Variants in GNG12 observed in about 807,000 individuals in gnomAD.
GNG12 encodes the protein G protein subunit gamma 12.
For synonymous variants in GNG12, 28 were observed against 29.7 expected, an observed-to-expected ratio of 0.94 and a Z score of 0.19; for missense variants, 69 against 83.8, an observed-to-expected ratio of 0.82 and a Z score of 0.69.
At chr1:67,763,716 G>T (rs560122494) in intron 2 of GNG12, among the ~76,000 whole-genome samples, 1 of 151,894 alleles carries the variant, frequency 6.6e-6, no homozygotes, top group African/African-American at 2.4e-5. Context: ...GAGAATTTTA[G>T]GTTGTTTTTA....
At chr1:67,822,995 G>T (rs994470027) in intron 1 of GNG12, among the ~76,000 whole-genome samples, 1 of 152,160 alleles carries the variant, frequency 6.6e-6, no homozygotes, top group African/African-American at 2.4e-5. Flanking sequence ...AGAGTCCTGA[G>T]CTCTGGTTTG....
rs1161923353 is a variant in GNG12 at position 67,734,916 on chromosome 1, T to C, written c.-26-27204A>G. Among the ~76,000 whole-genome samples, 3 of 152,334 alleles carry C rather than the reference T, an allele frequency of 2.0e-5. No homozygotes were observed. In the East Asian group the frequency reaches 5.8e-4, roughly 29 times the overall value. On this transcript the variant is annotated intron_variant, in intron 2 of 3. Transcript: ENST00000370982. The stretch of plus-strand genomic sequence containing the variant: ...TCACCCAGGTTGTAGTGCAATGGCG[T>C]GATCTCGGCTCACTGTAACCTCTGC...
At chr1:67,781,502 C>T (rs77745558) in intron 1 of GNG12, among the ~76,000 whole-genome samples, 12,851 of 152,146 alleles carry the variant, frequency 0.084, 560 homozygotes, top group Admixed American at 0.1. Context: ...CAAACAAACA[C>T]GTATACAAAT....
At chr1:67,763,323 A>T (rs1646617295) in intron 2 of GNG12, among the ~76,000 whole-genome samples, 1 of 152,190 alleles carries the variant, frequency 6.6e-6, no homozygotes, top group Admixed American at 6.5e-5. Context: ...ACAAAATTAT[A>T]CATTATGTTC....
intron 1 of GNG12, among the ~76,000 whole-genome samples, chr1:67,820,920 G>A (rs1303350818): frequency 1.3e-5 from 2 of 152,218 alleles, no homozygotes; most frequent in Admixed American, 1.3e-4. Flanking sequence ...TGATATTAAA[G>A]ATGATGGATA....
chr1:67,724,064 T>G (rs1051104098), intron 2 of GNG12, among the ~76,000 whole-genome samples: 9 of 152,222 alleles, frequency 5.9e-5, no homozygotes, highest in Admixed American at 5.2e-4. Flanking sequence ...AATTTGGCAG[T>G]GTAGTCAAGA....
rs764681398 is a variant in GNG12, at chr1:67,705,572, G to A, written c.98C>T (p.Ser33Leu). The change falls in exon 4 of 4, where the codon TCG becomes TTG. Residue 33 changes from serine to leucine, a missense_variant. Ser to Leu is a moderately radical substitution (Grantham distance 145). Coordinates refer to ENST00000370982, the MANE Select transcript of GNG12 (RefSeq NM_018841.6). Reference sequence around the variant, plus strand: ...GGACATGAGGTCCGCTGATGCCTTCGAAACCTGACATGGAGATAAATCAAA... The same window carrying A: ...GGACATGAGGTCCGCTGATGCCTTCAAAACCTGACATGGAGATAAATCAAA... ...LEASIERIKV[S>L]KASADLMSYC... 2 of 1,605,744 alleles carry A rather than the reference G, an allele frequency of 1.2e-6. No homozygotes were observed. The highest frequency in any genetic ancestry group is 8.5e-7 in the Non-Finnish European group (1 of 1,177,574).
At chr1:67,777,595 G>T in intron 1 of GNG12, 88 bp from the exon 2 acceptor site, 1 of 185,532 alleles carries the variant, frequency 5.4e-6, no homozygotes, top group Non-Finnish European at 1.0e-5. Context: ...ATAACGTTGA[G>T]CATTTATTCA....
At chr1:67,733,677 T>G (rs945970261) in intron 2 of GNG12, among the ~76,000 whole-genome samples, 1 of 152,202 alleles carries the variant, frequency 6.6e-6, no homozygotes, top group African/African-American at 2.4e-5. Context: ...AATTTGTAAA[T>G]TTCTGCAATT....
intron 1 of GNG12, among the ~76,000 whole-genome samples, chr1:67,817,569 C>G (rs114987614): frequency 9.3e-5 from 13 of 139,140 alleles, no homozygotes; most frequent in Non-Finnish European, 1.7e-4. Flanking sequence ...CAGGCATAGC[C>G]CGGCACACCC....
intron 1 of GNG12, among the ~76,000 whole-genome samples, chr1:67,822,863 T>A (rs1239938655): frequency 6.6e-6 from 1 of 152,174 alleles, no homozygotes; most frequent in African/African-American, 2.4e-5. Context: ...TCTCTTTCAA[T>A]GGCATTTAGT....
intron 1 of GNG12, among the ~76,000 whole-genome samples, chr1:67,789,910 A>G (rs1646791933): frequency 6.6e-6 from 1 of 152,202 alleles, no homozygotes; most frequent in Admixed American, 6.5e-5. Flanking sequence ...AAAGTATCCC[A>G]TGCTAGTTTT....
At chr1:67,767,408 G>GTTT (rs1193068070) in intron 2 of GNG12, among the ~76,000 whole-genome samples, 6 of 152,170 alleles carry the variant, frequency 3.9e-5, no homozygotes, top group Non-Finnish European at 8.8e-5. Context: ...GCGCTGCCCT[G>GTTT]TGAAAGGGAA....
At chr1:67,754,418 C>T (rs1646556290) in intron 2 of GNG12, among the ~76,000 whole-genome samples, 1 of 152,180 alleles carries the variant, frequency 6.6e-6, no homozygotes, top group African/African-American at 2.4e-5. Flanking sequence ...CCCCACTCCT[C>T]CACCACACCC....
chr1:67,810,940 T>C (rs1646921566), intron 1 of GNG12, among the ~76,000 whole-genome samples: 1 of 152,190 alleles, frequency 6.6e-6, no homozygotes, highest in African/African-American at 2.4e-5. Context: ...AGGTAGTTAG[T>C]GTTAACATTT....
intron 2 of GNG12, among the ~76,000 whole-genome samples, chr1:67,716,382 A>G (rs1646325844): frequency 6.6e-6 from 1 of 152,270 alleles, no homozygotes; most frequent in African/African-American, 2.4e-5. Flanking sequence ...TAATAAAGAT[A>G]ATAAGTTATA....
In GNG12 at chr1:67,795,986, T is replaced by C. The variant is rs116397656; in HGVS notation, c.-76-18479A>G. Among the ~76,000 whole-genome samples the C allele has an allele frequency of 5.1e-3, 775 of 152,330 alleles. 7 individuals carry two copies. Among genetic ancestry groups the C allele is most frequent in the African/African-American group, 0.018 (741 of 41,568 alleles). Reference sequence around the variant, plus strand: ...ACGGGTACAATTAAAATTCAGAATTTAATAATTGAAAACTGGCTCTTCTGT... The same window carrying C: ...ACGGGTACAATTAAAATTCAGAATTCAATAATTGAAAACTGGCTCTTCTGT... On this transcript the variant is annotated intron_variant, in intron 1 of 3. Coordinates refer to ENST00000370982, the MANE Select transcript of GNG12 (RefSeq NM_018841.6).
intron 2 of GNG12, among the ~76,000 whole-genome samples, chr1:67,716,384 T>C (rs1171079034): frequency 6.6e-6 from 1 of 152,208 alleles, no homozygotes; most frequent in African/African-American, 2.4e-5. Context: ...ATAAAGATAA[T>C]AAGTTATAAT....
At chr1:67,725,980 AAC>A (rs1418118059) in intron 2 of GNG12, among the ~76,000 whole-genome samples, 1 of 152,202 alleles carries the variant, frequency 6.6e-6, no homozygotes, top group African/African-American at 2.4e-5. Flanking sequence ...TGTTACTATA[AAC>A]AACTTGCTTG....
Sources: allele counts gnomAD v4.1 joint callset (sites outside exome capture counted in the v4.1 genomes callset), GRCh38; gene constraint gnomAD v4.1.1; transcripts MANE v1.5; gene names NCBI Gene and HGNC (gene_info 2026-07-23, HGNC 2026-07-21).